EYS: variants seen among roughly 807,000 people sequenced by gnomAD.
EYS encodes EGF-like photoreceptor maintenance factor.
A neutral mutation model predicts 282.1 loss-of-function variants in EYS; 250 were observed. The observed-to-expected ratio is 0.89, with a 90% CI of 0.80 to 0.98. The LOEUF (loss-of-function observed/expected upper bound fraction) is 0.98, where lower values mean the gene tolerates loss of function less well. Ranked by LOEUF, EYS falls within the 50% of genes least tolerant of loss-of-function variation. EYS has a pLI of 0.00. For missense variants in EYS, 4,016 were observed against 3,709.0 expected, an observed-to-expected ratio of 1.08 and a Z score of -2.15; for synonymous variants, 1,355 against 1,282.9, an observed-to-expected ratio of 1.06 and a Z score of -1.20.
intron 28 of EYS, among the ~76,000 whole-genome samples, chr6:64,393,709 T>G (rs1236047809): frequency 1.3e-5 from 2 of 151,338 alleles, no homozygotes; most frequent in Non-Finnish European, 3.0e-5. Context: ...GCATTCCCTT[T>G]GAAAACTGGC....
chr6:64,122,707 C>T (rs549855090), intron 31 of EYS, among the ~76,000 whole-genome samples: 1 of 151,974 alleles, frequency 6.6e-6, no homozygotes, highest in Non-Finnish European at 1.5e-5. Flanking sequence ...GAACTTGTAC[C>T]TTATCACTGC....
In EYS at chr6:65,324,274, T is replaced by G. The variant is rs189467524; in HGVS notation, c.1766+10706A>C. Among the ~76,000 whole-genome samples, 110 of 152,344 alleles carry G rather than the reference T, an allele frequency of 7.2e-4. 1 individual carries two copies. The highest frequency in any genetic ancestry group is 2.5e-3 in the African/African-American group (105 of 41,584). ...TTTCTGTCTTCTCCTGCAAGAATGT[T>G]ACTGTATGAGAGTGGGGACTTTGTT... On this transcript the variant is annotated intron_variant, in intron 11 of 42. Transcript: ENST00000503581.
intron 15 of EYS, among the ~76,000 whole-genome samples, chr6:64,944,889 G>A (rs573836775): frequency 1.7e-4 from 26 of 151,950 alleles, no homozygotes; most frequent in Non-Finnish European, 3.2e-4. Context: ...CATAAATCTG[G>A]CTTATGTGCA....
intron 26 of EYS, among the ~76,000 whole-genome samples, chr6:64,566,659 A>G (rs1004913198): frequency 6.6e-6 from 1 of 152,176 alleles, no homozygotes; most frequent in Admixed American, 6.5e-5. Flanking sequence ...CTAAGGCTTG[A>G]AGTTGGTGAG....
At chr6:63,964,386 T>C (rs1406448611) in intron 35 of EYS, among the ~76,000 whole-genome samples, 1 of 152,216 alleles carries the variant, frequency 6.6e-6, no homozygotes, top group Admixed American at 6.5e-5. Context: ...AAATAATTAT[T>C]CTTCCAATTC....
intron 11 of EYS, among the ~76,000 whole-genome samples, chr6:65,305,167 T>A (rs2150294163): frequency 6.6e-6 from 1 of 151,088 alleles, no homozygotes; most frequent in Non-Finnish European, 1.5e-5. Flanking sequence ...TTGATGCCAT[T>A]GTTTATCATC....
chr6:64,554,177 C>T (rs1447421685), intron 26 of EYS, among the ~76,000 whole-genome samples: 1 of 151,996 alleles, frequency 6.6e-6, no homozygotes, highest in African/African-American at 2.4e-5. Flanking sequence ...TTTCAAATGG[C>T]TATAGTCCCT....
intron 37 of EYS, among the ~76,000 whole-genome samples, chr6:63,800,124 C>T (rs955053337): frequency 3.3e-5 from 5 of 152,216 alleles, no homozygotes; most frequent in Admixed American, 2.0e-4. Flanking sequence ...ACGGTTCTCA[C>T]TGGATGAGAT....
chr6:63,829,338 C>A (rs1771560502), intron 36 of EYS, among the ~76,000 whole-genome samples: 1 of 152,138 alleles, frequency 6.6e-6, no homozygotes, highest in Non-Finnish European at 1.5e-5. Context: ...ACAGATGGTA[C>A]CTGGAAAATT....
chr6:64,071,543 A>AT (rs1236327487), intron 32 of EYS, among the ~76,000 whole-genome samples: 1 of 139,610 alleles, frequency 7.2e-6, no homozygotes, highest in African/African-American at 3.3e-5. Context: ...AATCTTTGAC[A>AT]TTTTTTTATT....
At chr6:64,985,113 G>A (rs1330707065) in intron 14 of EYS, among the ~76,000 whole-genome samples, 1 of 151,406 alleles carries the variant, frequency 6.6e-6, no homozygotes, top group Non-Finnish European at 1.5e-5. Flanking sequence ...ATAGGTCCTG[G>A]TTGTAGCAAT....
intron 5 of EYS, among the ~76,000 whole-genome samples, chr6:65,441,865 A>G (rs769338507): frequency 4.6e-5 from 7 of 152,130 alleles, no homozygotes; most frequent in Non-Finnish European, 8.8e-5. Context: ...AATCCTGCTC[A>G]GACATATCAA....
At chr6:64,798,751 A>G (rs1176550627) in intron 22 of EYS, among the ~76,000 whole-genome samples, 1 of 151,534 alleles carries the variant, frequency 6.6e-6, no homozygotes, top group Non-Finnish European at 1.5e-5. Flanking sequence ...CTTGAACTGG[A>G]GATGATGATT....
chr6:64,089,349 ATAT>A (rs1242341104), intron 31 of EYS, among the ~76,000 whole-genome samples: 1 of 150,424 alleles, frequency 6.6e-6, no homozygotes, highest in Non-Finnish European at 1.5e-5. Context: ...ATTTATTATA[ATAT>A]TATAAAATTA....
chr6:63,993,525 C>G lies in EYS; in HGVS notation c.6834+5550G>C, dbSNP rs117459361. On this transcript the variant is annotated intron_variant, in intron 34 of 42. Coordinates refer to ENST00000503581, the MANE Select transcript of EYS (RefSeq NM_001142800.2). ...CAAAAATTAATTACATTTCTATAGA[C>G]TAACCATTAACTATCACAAATAAGA... Among the ~76,000 whole-genome samples the G allele has an allele frequency of 3.3e-3, 498 of 151,730 alleles. 7 individuals are homozygous for G. The East Asian group carries it at 0.072, about 22-fold the overall frequency.
chr6:63,869,194 T>C (rs893112050), intron 35 of EYS, among the ~76,000 whole-genome samples: 1 of 152,016 alleles, frequency 6.6e-6, no homozygotes, highest in African/African-American at 2.4e-5. Context: ...TAAGAGCAAA[T>C]AAAAGTCATA....
chr6:65,291,083 C>CTAGAAATAATAAGAAAAGTTGTATAAT lies in EYS; in HGVS notation c.2023+4779_2023+4780insATTATACAACTTTTCTTATTATTTCTA, dbSNP rs1322026114. 4.0e-5 allele frequency among the ~76,000 whole-genome samples: 6 copies of CTAGAAATAATAAGAAAAGTTGTATAAT among 151,492 alleles called. No homozygotes were observed. The East Asian group carries it at 1.2e-3, about 29-fold the overall frequency. ...CCTTTATTTGCAGATGTAATTCTCT[C>CTAGAAATAATAAGAAAAGTTGTATAAT]TAGAAATAATAAGAAAAGTTGTATC... On this transcript the variant is annotated intron_variant, in intron 12 of 42. Coordinates refer to ENST00000503581, the MANE Select transcript of EYS (RefSeq NM_001142800.2).
chr6:64,864,385 CTTTTT>C lies in EYS; in HGVS notation c.2992+22307_2992+22311del, dbSNP rs769240399. On this transcript the variant is annotated intron_variant, in intron 19 of 42. Transcript: ENST00000503581. ...GAGAAATACAGAGGTGCTATACCTTCTTTTTTTTTTTTTTTTTTTTTGACAGAATC... is the reference window on the plus strand; with the variant it reads ...GAGAAATACAGAGGTGCTATACCTTCTTTTTTTTTTTTTTTTGACAGAATC... Among the ~76,000 whole-genome samples the C allele has an allele frequency of 5.4e-4, 31 of 57,194 alleles. 3 individuals are homozygous for C. The highest frequency in any genetic ancestry group is 2.5e-3 in the Admixed American group (10 of 4,002). 37.5% of individuals were successfully genotyped at this position (57,194 alleles called of 152,430 possible).
At chr6:64,700,094 A>G (rs1405119287) in intron 22 of EYS, among the ~76,000 whole-genome samples, 1 of 152,042 alleles carries the variant, frequency 6.6e-6, no homozygotes, top group Non-Finnish European at 1.5e-5. Context: ...CAAATCAATA[A>G]ATGTGATTCC....
Sources: allele counts gnomAD v4.1 joint callset (sites outside exome capture counted in the v4.1 genomes callset), GRCh38; gene constraint gnomAD v4.1.1; transcripts MANE v1.5; gene names NCBI Gene and HGNC (gene_info 2026-07-23, HGNC 2026-07-21).